The following RTN3 variants were observed in gnomAD, a reference collection of about 807,000 sequenced individuals.
The protein encoded by RTN3 is reticulon 3.
A neutral mutation model predicts 77.8 loss-of-function variants in RTN3; 49 were observed. That is an observed-to-expected ratio of 0.63 (90% CI 0.50 to 0.80). RTN3 has a LOEUF of 0.80. Ranked by LOEUF, RTN3 falls within the 30% of genes least tolerant of loss-of-function variation. RTN3 has a pLI of 0.00. For missense variants in RTN3, 1,236 were observed against 1,211.9 expected, an observed-to-expected ratio of 1.02 and a Z score of -0.29; for synonymous variants, 464 against 446.9, an observed-to-expected ratio of 1.04 and a Z score of -0.48.
chr11:63,692,225 G>A (rs1941699663), intron 1 of RTN3, among the ~76,000 whole-genome samples: 1 of 152,088 alleles, frequency 6.6e-6, no homozygotes, highest in African/African-American at 2.4e-5. Flanking sequence ...ATTTCACCAT[G>A]TTGGTCAGAC....
At chr11:63,698,967 A>G (rs1277129561) in intron 1 of RTN3, among the ~76,000 whole-genome samples, 2 of 152,198 alleles carry the variant, frequency 1.3e-5, no homozygotes, top group Non-Finnish European at 2.9e-5. Flanking sequence ...GCCTTAGGCA[A>G]CTTTTTTATA....
intron 3 of RTN3, among the ~76,000 whole-genome samples, chr11:63,728,704 A>G (rs1220747183): frequency 1.3e-5 from 2 of 152,142 alleles, no homozygotes; most frequent in Non-Finnish European, 2.9e-5. Flanking sequence ...CCTGACCAAC[A>G]TGGTAAAACC....
chr11:63,704,796 A>G, intron 1 of RTN3, 55 bp from the exon 2 acceptor site: 1 of 1,308,958 alleles, frequency 7.6e-7, no homozygotes, highest in South Asian at 1.2e-5. Context: ...AGAAAGTTAA[A>G]GTTAAAATTC....
chr11:63,697,173 C>T (rs1263321699), intron 1 of RTN3, among the ~76,000 whole-genome samples: 5 of 152,110 alleles, frequency 3.3e-5, no homozygotes, highest in East Asian at 1.9e-4. Flanking sequence ...CGTGAGCCAT[C>T]GCGCCCGGCC....
At chr11:63,691,107 G>A (rs1324471276) in intron 1 of RTN3, among the ~76,000 whole-genome samples, 1 of 143,066 alleles carries the variant, frequency 7.0e-6, no homozygotes, top group African/African-American at 2.6e-5. Context: ...ATTTAATATT[G>A]CTAATTCTTT....
At chr11:63,684,941 C>G (rs1254451912) in intron 1 of RTN3, among the ~76,000 whole-genome samples, 1 of 147,948 alleles carries the variant, frequency 6.8e-6, no homozygotes, top group Non-Finnish European at 1.5e-5. Flanking sequence ...TGTACTTTTA[C>G]TAGATATGGG....
chr11:63,751,123 T>C (rs1392141922), intron 4 of RTN3, among the ~76,000 whole-genome samples: 1 of 152,144 alleles, frequency 6.6e-6, no homozygotes, highest in Non-Finnish European at 1.5e-5. Flanking sequence ...CGCCTCGGCC[T>C]CCCAAATCAT....
intron 7 of RTN3, among the ~76,000 whole-genome samples, chr11:63,755,113 T>C (rs1295125017): frequency 2.0e-5 from 3 of 151,812 alleles, no homozygotes; most frequent in Non-Finnish European, 4.4e-5. Flanking sequence ...AAGAGACTTT[T>C]TGGCTTTTTG....
intron 7 of RTN3, 61 bp from the exon 8 acceptor site, chr11:63,756,051 C>A: frequency 2.6e-6 from 3 of 1,142,504 alleles, no homozygotes; most frequent in Admixed American, 1.7e-5. Flanking sequence ...AAGAGCCGTG[C>A]CTTCAGGAAA....
chr11:63,754,422 C>T (rs2014257565), intron 7 of RTN3, among the ~76,000 whole-genome samples: 1 of 152,094 alleles, frequency 6.6e-6, no homozygotes, highest in Non-Finnish European at 1.5e-5. Context: ...AGTGTGGGGC[C>T]AGGCACGGTG....
intron 3 of RTN3, among the ~76,000 whole-genome samples, chr11:63,747,191 A>G (rs2013847458): frequency 6.6e-6 from 1 of 152,196 alleles, no homozygotes; most frequent in African/African-American, 2.4e-5. Context: ...TGTCTTTCTC[A>G]GTGCATGCAC....
chr11:63,752,701 T>C (rs774002658), intron 5 of RTN3, 56 bp downstream of exon 5: 8 of 1,572,718 alleles, frequency 5.1e-6, no homozygotes, highest in African/African-American at 2.7e-5. Context: ...GACTGGGTTA[T>C]AATTTGGAGG....
chr11:63,753,560 T>C (rs1246353885), intron 6 of RTN3, 102 bp from the exon 7 acceptor site: 1 of 1,064,614 alleles, frequency 9.4e-7, no homozygotes, highest in Non-Finnish European at 1.4e-6. Context: ...AATGCCTGTG[T>C]TTTCCTGTAT....
intron 1 of RTN3, among the ~76,000 whole-genome samples, chr11:63,688,757 T>C (rs1246457873): frequency 6.6e-6 from 1 of 152,184 alleles, no homozygotes. Flanking sequence ...TATCAAATTA[T>C]CCTGTGAGGA....
At chr11:63,708,764 A>G (rs1296803132) in intron 2 of RTN3, among the ~76,000 whole-genome samples, 1 of 152,220 alleles carries the variant, frequency 6.6e-6, no homozygotes, top group African/African-American at 2.4e-5. Flanking sequence ...TTGTCCTTGC[A>G]GTCTTTTGCT....
At chr11:63,709,455 G>A (rs1366714017) in intron 2 of RTN3, among the ~76,000 whole-genome samples, 1 of 152,024 alleles carries the variant, frequency 6.6e-6, no homozygotes, top group East Asian at 1.9e-4. Context: ...CGCATTGGAA[G>A]CATTGCATTA....
At chr11:63,726,345 AG>A in intron 3 of RTN3, among the ~76,000 whole-genome samples, 1 of 152,352 alleles carries the variant, frequency 6.6e-6, no homozygotes, top group East Asian at 1.9e-4. Flanking sequence ...GGCACCTGAC[AG>A]GCTGGCTTAA....
chr11:63,735,596 C>CTCTCTT (rs1182966886), intron 3 of RTN3, among the ~76,000 whole-genome samples: 1 of 148,266 alleles, frequency 6.7e-6, no homozygotes, highest in African/African-American at 2.6e-5. Context: ...CTCTCTCTCT[C>CTCTCTT]TCTCTTTCTT....
At chr11:63,716,200 C>CTTTA (rs1446416937) in intron 2 of RTN3, among the ~76,000 whole-genome samples, 1 of 152,138 alleles carries the variant, frequency 6.6e-6, no homozygotes, top group Non-Finnish European at 1.5e-5. Flanking sequence ...AGTAGGGGAA[C>CTTTA]TTTATATGGC....
Sources: gnomAD v4.1 joint callset for allele counts (sites outside exome capture counted in the v4.1 genomes callset) on GRCh38, gnomAD v4.1.1 for gene constraint, MANE v1.5 for transcripts, NCBI Gene and HGNC (gene_info 2026-07-23, HGNC 2026-07-21) for gene names.